The following GPATCH3 variants were observed in gnomAD, a reference collection of about 807,000 sequenced individuals.
GPATCH3 encodes G-patch domain containing 3.
In GPATCH3, 45 loss-of-function variants were observed where a neutral mutation model predicts 53.2. The observed-to-expected ratio is 0.85, with a 90% CI of 0.67 to 1.08. The LOEUF is 1.08. Among genes scored for constraint, GPATCH3 ranks in the 50% least tolerant of loss-of-function variants. The probability of loss-of-function intolerance (pLI) is 0.00; values close to 1 mark genes in which losing one functional copy is unlikely to be tolerated. For synonymous variants in GPATCH3, 280 were observed against 270.6 expected, an observed-to-expected ratio of 1.03 and a Z score of -0.34; for missense variants, 680 against 687.2, an observed-to-expected ratio of 0.99 and a Z score of 0.12.
Position 26,900,058 on chromosome 1 carries a change from AAT to A in GPATCH3, c.383_384del (p.Asp128ValfsTer43). 6.2e-7 allele frequency: 1 copy of A among 1,614,162 alleles called. No homozygotes were observed. Among genetic ancestry groups the A allele is most frequent in the African/African-American group, 1.3e-5 (1 of 75,050 alleles). On this transcript the variant is annotated frameshift_variant, in exon 1 of 7. Transcript: ENST00000361720. LOFTEE classifies it high-confidence loss of function. ...IRMYSGRRWL[D>X]SHGTWLPGRC... ...CGACCCGGTAGCCAAGTCCCGTGAG[AAT>A]CCAGCCACCGGCGGCCCGAGTACAT...
intron 5 of GPATCH3, 60 bp downstream of exon 5, chr1:26,892,610 G>A: frequency 1.2e-6 from 2 of 1,607,250 alleles, no homozygotes; most frequent in Non-Finnish European, 1.7e-6. Flanking sequence ...GATGGGAGAA[G>A]GAATTAAAGT....
chr1:26,893,182 T>C (rs893740964), intron 4 of GPATCH3, among the ~76,000 whole-genome samples: 2 of 152,080 alleles, frequency 1.3e-5, no homozygotes, highest in African/African-American at 2.4e-5. Flanking sequence ...CTATCCCTCC[T>C]CCTCCTCCAA....
At chr1:26,893,889 T>C (rs536193491) in intron 3 of GPATCH3, among the ~76,000 whole-genome samples, 216 of 152,170 alleles carry the variant, frequency 1.4e-3, no homozygotes, top group African/African-American at 5.0e-3. Flanking sequence ...GAATCATAGC[T>C]CACTGCAACC....
At position 26,894,352 on chromosome 1, in the gene GPATCH3, C is replaced by T. The variant is rs1474280766; in HGVS notation, c.935G>A (p.Gly312Glu). Residue 312 changes from glycine to glutamate, a missense_variant, in exon 3 of 7, where the codon GGG becomes GAG. Coordinates refer to ENST00000361720, the MANE Select transcript of GPATCH3 (RefSeq NM_022078.3). Reference protein sequence around the residue: ...RHEALHEDVTGQERTTEQLFE... With the variant: ...RHEALHEDVTEQERTTEQLFE... ...GAGCTGCTCAGTGGTCCGCTCCTGC[C>T]CGGTCACGTCCTCATGCAGCGCTTC... 1 of 1,614,002 alleles carries T rather than the reference C, an allele frequency of 6.2e-7. No homozygotes were observed. Among genetic ancestry groups the T allele is most frequent in the Non-Finnish European group, 8.5e-7 (1 of 1,180,032 alleles).
In GPATCH3 at chr1:26,892,599, G is replaced by A. The variant is rs957766074; in HGVS notation, c.1234-61C>T. ...CTCCTGCTGGGAGCAGGGAGAATGGGGATGGGAGAAGGAATTAAAGTAGAG... is the reference window on the plus strand; with the variant it reads ...CTCCTGCTGGGAGCAGGGAGAATGGAGATGGGAGAAGGAATTAAAGTAGAG... On this transcript the variant is annotated intron_variant, in intron 5 of 6. Transcript: ENST00000361720. The A allele has an allele frequency of 1.0e-5, 16 of 1,606,990 alleles. No homozygotes were observed. In the Admixed American group the frequency reaches 2.7e-4, roughly 27 times the overall value.
chr1:26,891,311 C>T (rs2081924466), intron 6 of GPATCH3, 85 bp from the exon 7 acceptor site: 1 of 1,023,492 alleles, frequency 9.8e-7, no homozygotes. Context: ...GTAGTTACTA[C>T]ATATCTGGTT....
At chr1:26,896,337 A>C in intron 2 of GPATCH3, among the ~76,000 whole-genome samples, 1 of 148,822 alleles carries the variant, frequency 6.7e-6, no homozygotes. Flanking sequence ...TTCTCAGCTC[A>C]CTGCAACCTC....
chr1:26,895,786 C>T (rs909768377), intron 2 of GPATCH3, among the ~76,000 whole-genome samples: 3 of 151,906 alleles, frequency 2.0e-5, no homozygotes, highest in East Asian at 1.9e-4. Context: ...ACAGGCACCA[C>T]GCCTGGCTAA....
intron 1 of GPATCH3, among the ~76,000 whole-genome samples, chr1:26,898,629 A>G (rs1261653821): frequency 2.6e-5 from 4 of 151,202 alleles, no homozygotes; most frequent in Non-Finnish European, 4.4e-5. Context: ...GATGTGTTCC[A>G]GCCACACCAA....
In GPATCH3 at chr1:26,898,794, G is replaced by C. The variant is rs550782726; in HGVS notation, c.452-1069C>G. Among the ~76,000 whole-genome samples, 17 of 151,512 alleles carry C rather than the reference G, an allele frequency of 1.1e-4. 2 individuals are homozygous for C. The South Asian group carries it at 3.3e-3, about 30-fold the overall frequency. On this transcript the variant is annotated intron_variant, in intron 1 of 6. Coordinates refer to ENST00000361720, the MANE Select transcript of GPATCH3 (RefSeq NM_022078.3). ...TGATCCCCCCACCTCAACCTCACAA[G>C]TAGCTGGGACTACAGGCATGCGCCA... is the stretch of plus-strand genomic sequence containing the variant.
chr1:26,894,445 C>G, intron 2 of GPATCH3, 35 bp from the exon 3 acceptor site: 1 of 1,606,112 alleles, frequency 6.2e-7, no homozygotes, highest in South Asian at 1.1e-5. Context: ...GCCTGAGCTT[C>G]CTGACCTCAT....
chr1:26,890,949 TAGATGAGG>T lies in GPATCH3; in HGVS notation c.*53_*60del. Reference sequence around the variant, plus strand: ...CCCAGACTCCTTTCTGCTTCAGTGGTAGATGAGGCCAGGGCAGAGGGTTTTCATCATGT... The same window carrying T: ...CCCAGACTCCTTTCTGCTTCAGTGGTCCAGGGCAGAGGGTTTTCATCATGT... On this transcript the variant is annotated 3_prime_UTR_variant, in exon 7 of 7. Transcript: ENST00000361720. The T allele has an allele frequency of 6.9e-7, 1 of 1,450,222 alleles. No individual in the cohort carries two copies. The highest frequency in any genetic ancestry group is 2.3e-5 in the East Asian group (1 of 44,058). The allele number at this position is 1,450,222 out of a possible 1,614,324, so 89.8% of individuals were successfully genotyped here.
Position 26,892,738 on chromosome 1 carries a change from G to C in GPATCH3, c.1165C>G (p.Leu389Val). ...GAGCCATCTTCCTGTCCATCTCGGA[G>C]TCTCTGTTCCAGACGCATTTGGACA... ...DSVQMRLEQRLRDGQEDGSVI... is the reference protein window; with the variant it reads ...DSVQMRLEQRVRDGQEDGSVI... The change falls in exon 5 of 7, where the codon CTC (leucine) becomes GTC (valine). Residue 389 changes from leucine to valine, a missense_variant. Transcript: ENST00000361720. The C allele has an allele frequency of 6.2e-7, 1 of 1,614,216 alleles. No homozygotes were observed. The highest frequency in any genetic ancestry group is 1.3e-5 in the African/African-American group (1 of 75,062).
intron 3 of GPATCH3, among the ~76,000 whole-genome samples, chr1:26,893,711 A>G (rs570987515): frequency 6.6e-6 from 1 of 151,900 alleles, no homozygotes; most frequent in African/African-American, 2.4e-5. Flanking sequence ...CATAGAGACG[A>G]GGTTTCACCA....
At chr1:26,898,763 C>A (rs151150221) in intron 1 of GPATCH3, among the ~76,000 whole-genome samples, 87 of 151,240 alleles carry the variant, frequency 5.8e-4, no homozygotes, top group African/African-American at 2.0e-3. Flanking sequence ...ACCTCCTGGG[C>A]TCAAGTGATC....
Position 26,900,110 on chromosome 1 carries a change from C to T in GPATCH3, c.333G>A (p.Leu111=). The T allele has an allele frequency of 6.2e-7, 1 of 1,614,200 alleles. No homozygotes were observed. The highest frequency in any genetic ancestry group is 8.5e-7 in the Non-Finnish European group (1 of 1,180,044). ...TGCGAATAAGCCTCTGAGCTTGAGC[C>T]AACCCCCTTACCGAGATGACGCAGC... is the stretch of plus-strand genomic sequence containing the variant. ...TCCCVISVRG[L]AQAQRLIRMY... is the part of the protein sequence containing the mutation. The change falls in exon 1 of 7, where the codon TTG becomes TTA. Residue 111 remains leucine, a synonymous_variant. Transcript: ENST00000361720.
rs192893502 is a variant in GPATCH3 at position 26,890,911 on chromosome 1, G to T, written c.*99C>A. The T allele has an allele frequency of 8.6e-7, 1 of 1,156,114 alleles. No individual in the cohort carries two copies. Among genetic ancestry groups the T allele is most frequent in the African/African-American group, 1.5e-5 (1 of 65,914 alleles). 71.6% of individuals were successfully genotyped at this position (1,156,114 alleles called of 1,614,324 possible). On this transcript the variant is annotated 3_prime_UTR_variant, in exon 7 of 7. Transcript: ENST00000361720. ...GAACAAAACACCCTGAACCAGCCAC[G>T]AAGACTGCTGCTCCCAGACTCCTTT...
chr1:26,892,706 G>T lies in GPATCH3; in HGVS notation c.1197C>A (p.Ile399=), dbSNP rs761727096. ...LRDGQEDGSV[I]ERQVGTFERH... is the part of the protein sequence containing the mutation. The stretch of plus-strand genomic sequence containing the variant: ...GCTCAAAGGTGCCCACCTGGCGTTC[G>T]ATCACAGAGCCATCTTCCTGTCCAT... The change falls in exon 5 of 7, where the codon ATC becomes ATA. Residue 399 remains isoleucine (I), a synonymous_variant. Transcript: ENST00000361720. 2 of 1,614,166 alleles carry T rather than the reference G, an allele frequency of 1.2e-6. No homozygotes were observed. Among genetic ancestry groups the T allele is most frequent in the East Asian group, 2.2e-5 (1 of 44,888 alleles).
intron 1 of GPATCH3, 110 bp downstream of exon 1, chr1:26,899,882 C>T (rs1273269813): frequency 4.2e-6 from 4 of 951,206 alleles, no homozygotes; most frequent in Non-Finnish European, 6.3e-6. Flanking sequence ...AGAATATGAA[C>T]TAAACTCATA....
Sources: gnomAD v4.1 joint callset for allele counts (sites outside exome capture counted in the v4.1 genomes callset) on GRCh38, gnomAD v4.1.1 for gene constraint, MANE v1.5 for transcripts, NCBI Gene and HGNC (gene_info 2026-07-23, HGNC 2026-07-21) for gene names.